The following THRB variants were observed in gnomAD, a reference collection of about 807,000 sequenced individuals.
THRB encodes the protein thyroid hormone receptor beta.
A neutral mutation model predicts 47.8 loss-of-function variants in THRB; 12 were observed. That is an observed-to-expected ratio of 0.25 (90% confidence interval 0.16 to 0.41). The LOEUF (loss-of-function observed/expected upper bound fraction) is 0.41, where lower values mean the gene tolerates loss of function less well. Ranked by LOEUF, THRB falls within the 10% of genes least tolerant of loss-of-function variation. THRB has a pLI of 1.00. For missense variants in THRB, 348 were observed against 589.2 expected (o/e 0.59, Z 4.24); for synonymous variants, 218 against 212.2 (o/e 1.03, Z -0.24).
chr3:24,294,566 C>A (rs1277346170), intron 3 of THRB, among the ~76,000 whole-genome samples: 1 of 152,206 alleles, frequency 6.6e-6, no homozygotes, highest in Non-Finnish European at 1.5e-5. Flanking sequence ...TGACAAGACA[C>A]TGCTTCTCTT....
At chr3:24,385,188 C>T (rs1222679434) in intron 1 of THRB, among the ~76,000 whole-genome samples, 1 of 151,726 alleles carries the variant, frequency 6.6e-6, no homozygotes, top group East Asian at 1.9e-4. Flanking sequence ...AAGATGGGGC[C>T]CCATTAATAG....
Position 24,443,027 on chromosome 3 carries a change from C to G in THRB, c.-261+51625G>C, listed in dbSNP as rs1577603862. ...TGAAACTCCGTCTGTACTAAAAATA[C>G]AAAAATTAGCTGGGTGTGGTGTCAT... On this transcript the variant is annotated intron_variant, in intron 1 of 10. Transcript: ENST00000646209. Among the ~76,000 whole-genome samples the G allele has an allele frequency of 2.0e-5, 3 of 150,438 alleles. 1 individual carries two copies. Among genetic ancestry groups the G allele is most frequent in the Admixed American group, 2.0e-4 (3 of 15,046 alleles).
chr3:24,217,182 TTC>T (rs2046654383), intron 4 of THRB, among the ~76,000 whole-genome samples: 1 of 151,702 alleles, frequency 6.6e-6, no homozygotes, highest in African/African-American at 2.4e-5. Flanking sequence ...ATTCAGAATT[TTC>T]TTTTTCAAAT....
intron 3 of THRB, among the ~76,000 whole-genome samples, chr3:24,257,718 G>A (rs2051450485): frequency 6.6e-6 from 1 of 152,200 alleles, no homozygotes; most frequent in Non-Finnish European, 1.5e-5. Context: ...CAGGCAGTGG[G>A]CACTTTCCAC....
At chr3:24,221,753 AGTT>A (rs2150010751) in intron 4 of THRB, among the ~76,000 whole-genome samples, 1 of 152,272 alleles carries the variant, frequency 6.6e-6, no homozygotes, top group Non-Finnish European at 1.5e-5. Flanking sequence ...TGGAAACTGA[AGTT>A]GTTCTAGAAG....
intron 1 of THRB, among the ~76,000 whole-genome samples, chr3:24,349,238 C>T (rs941686305): frequency 5.9e-5 from 9 of 151,986 alleles, no homozygotes; most frequent in African/African-American, 1.9e-4. Context: ...ATAGATTGGG[C>T]GCCTCAATAT....
At chr3:24,455,808 G>A (rs193251122) in intron 1 of THRB, among the ~76,000 whole-genome samples, 7 of 152,202 alleles carry the variant, frequency 4.6e-5, no homozygotes, top group African/African-American at 1.2e-4. Context: ...ACTCCATTTC[G>A]TCTGGCTGAT....
In THRB at chr3:24,406,614, T is replaced by TA. The variant is rs5847291; in HGVS notation, c.-260-69244dup. 3.6e-3 allele frequency among the ~76,000 whole-genome samples: 545 copies of TA among 149,798 alleles called. 6 individuals carry two copies. Among genetic ancestry groups the TA allele is most frequent in the African/African-American group, 0.012 (493 of 40,932 alleles). On this transcript the variant is annotated intron_variant, in intron 1 of 10. Coordinates refer to ENST00000646209, the MANE Select transcript of THRB (RefSeq NM_001354712.2). ...TCTTTGTTAGGTTTGCTTGTACTCT[T>TA]AAAAAAAAAAAGAAATTGAGATAGT...
intron 3 of THRB, among the ~76,000 whole-genome samples, chr3:24,293,108 A>C (rs1345333270): frequency 6.6e-6 from 1 of 152,244 alleles, no homozygotes; most frequent in Non-Finnish European, 1.5e-5. Context: ...GGTTTTACCC[A>C]AAATTAGGCA....
chr3:24,278,773 C>A (rs534515207), intron 3 of THRB, among the ~76,000 whole-genome samples: 27 of 152,334 alleles, frequency 1.8e-4, no homozygotes, highest in African/African-American at 6.5e-4. Context: ...CAGCACCCAA[C>A]GTGGCAGCTG....
intron 2 of THRB, among the ~76,000 whole-genome samples, chr3:24,332,303 A>G (rs1422497409): frequency 6.6e-6 from 1 of 152,252 alleles, no homozygotes; most frequent in African/African-American, 2.4e-5. Flanking sequence ...TAAGAATAGC[A>G]ATGCAGAGTC....
chr3:24,204,795 G>A (rs1365368213), intron 4 of THRB, among the ~76,000 whole-genome samples: 1 of 152,224 alleles, frequency 6.6e-6, no homozygotes, highest in East Asian at 1.9e-4. Context: ...TACCAGTGTA[G>A]AGAAGTCCTT....
intron 8 of THRB, among the ~76,000 whole-genome samples, chr3:24,134,415 C>A (rs530473953): frequency 2.6e-4 from 39 of 152,284 alleles, no homozygotes; most frequent in African/African-American, 8.9e-4. Context: ...ATGATCATAA[C>A]CACCATTTAT....
intron 1 of THRB, among the ~76,000 whole-genome samples, chr3:24,391,703 TGGTCCGTCCTCC>T (rs1204206461): frequency 6.6e-6 from 1 of 152,178 alleles, no homozygotes; most frequent in Non-Finnish European, 1.5e-5. Flanking sequence ...TTGGGTCAGC[TGGTCCGTCCTCC>T]ATTTTCAAAA....
chr3:24,426,168 C>T (rs1280231322), intron 1 of THRB, among the ~76,000 whole-genome samples: 1 of 151,880 alleles, frequency 6.6e-6, no homozygotes, highest in African/African-American at 2.4e-5. Flanking sequence ...AGCTACCTAT[C>T]GATAATCTAT....
chr3:24,288,405 G>C (rs938625312), intron 3 of THRB, among the ~76,000 whole-genome samples: 1 of 152,192 alleles, frequency 6.6e-6, no homozygotes, highest in Admixed American at 6.5e-5. Context: ...GCTGAGAGTT[G>C]TGCTTGGACA....
intron 10 of THRB, among the ~76,000 whole-genome samples, chr3:24,127,279 C>T (rs1450210132): frequency 6.6e-6 from 1 of 152,284 alleles, no homozygotes; most frequent in East Asian, 1.9e-4. Flanking sequence ...TAAGATGGCT[C>T]CTTTGGCTTC....
At chr3:24,164,936 G>T in intron 5 of THRB, 1 of 618,964 alleles carries the variant, frequency 1.6e-6, no homozygotes. Context: ...CAAATTCAAA[G>T]ATTTGACGAA....
intron 1 of THRB, among the ~76,000 whole-genome samples, chr3:24,478,838 G>A (rs1185056570): frequency 6.6e-6 from 1 of 152,210 alleles, no homozygotes; most frequent in Non-Finnish European, 1.5e-5. Context: ...GAGAGATTAA[G>A]AGGTAGAACT....
Sources: gnomAD v4.1 joint callset for allele counts (sites outside exome capture counted in the v4.1 genomes callset) on GRCh38, gnomAD v4.1.1 for gene constraint, MANE v1.5 for transcripts, NCBI Gene and HGNC (gene_info 2026-07-23, HGNC 2026-07-21) for gene names.